Variants in TVP23A observed in about 807,000 individuals in gnomAD.
TVP23A encodes Golgi apparatus membrane protein TVP23 homolog A.
A neutral mutation model predicts 31.7 loss-of-function variants in TVP23A; 21 were observed. That is an observed-to-expected ratio of 0.66 (90% confidence interval 0.47 to 0.95). The LOEUF (loss-of-function observed/expected upper bound fraction) is 0.95, where lower values mean the gene tolerates loss of function less well. Among genes scored for constraint, TVP23A ranks in the 40% least tolerant of loss-of-function variants. The probability of loss-of-function intolerance (pLI) is 0.00; values close to 1 mark genes in which losing one functional copy is unlikely to be tolerated. For missense variants in TVP23A, 279 were observed against 255.6 expected (o/e 1.09, Z -0.62); for synonymous variants, 104 against 96.0 (o/e 1.08, Z -0.49).
Position 10,768,308 on chromosome 16 carries a change from TA to T in TVP23A, c.*793del, listed in dbSNP as rs35848081. 56,192 of 174,586 alleles carry T rather than the reference TA, an allele frequency of 0.32. 8,707 individuals carry two copies. The highest frequency in any genetic ancestry group is 0.48 in the African/African-American group (19,483 of 40,586). The allele number at this position is 174,586 out of a possible 1,614,324, so 10.8% of individuals were successfully genotyped here. A position where few individuals can be genotyped will look rare whatever the true frequency, so the allele number is the denominator to read the frequency against. On this transcript the variant is annotated 3_prime_UTR_variant, in exon 8 of 8. Coordinates refer to ENST00000299866, the MANE Select transcript of TVP23A (RefSeq NM_001079512.4). The surrounding 1 kb of genome is among the most constrained non-coding windows in gnomAD (Gnocchi z 4.3). Reference sequence around the variant, plus strand: ...GTAATTCATTTTTAAAAGTAACTGATAAAAAAAAAAAAGGCCAGGTGCAGTG... The same window carrying T: ...GTAATTCATTTTTAAAAGTAACTGATAAAAAAAAAAAGGCCAGGTGCAGTG...
chr16:10,790,052 G>T (rs1012301850), intron 2 of TVP23A, among the ~76,000 whole-genome samples: 2 of 152,110 alleles, frequency 1.3e-5, no homozygotes, highest in African/African-American at 4.8e-5. Flanking sequence ...AGGTTCTTTT[G>T]AAGTCTTATA....
intron 2 of TVP23A, among the ~76,000 whole-genome samples, chr16:10,780,076 A>C (rs1004385079): frequency 2.0e-5 from 3 of 150,670 alleles, no homozygotes; most frequent in African/African-American, 7.3e-5. Context: ...CGACAGAGTG[A>C]GACTCCATCT....
At chr16:10,778,116 T>C (rs1567284390) in intron 2 of TVP23A, among the ~76,000 whole-genome samples, 1 of 152,024 alleles carries the variant, frequency 6.6e-6, no homozygotes, top group Non-Finnish European at 1.5e-5. Context: ...GGCAGATCAG[T>C]TGAAGTCAGG....
At chr16:10,791,818 T>C (rs917844054) in intron 2 of TVP23A, among the ~76,000 whole-genome samples, 2 of 152,208 alleles carry the variant, frequency 1.3e-5, no homozygotes, top group Admixed American at 1.3e-4. Flanking sequence ...GGTTTCACTG[T>C]GTTAGCCAAG....
chr16:10,787,320 A>G (rs1353585531), intron 2 of TVP23A, among the ~76,000 whole-genome samples: 1 of 152,214 alleles, frequency 6.6e-6, no homozygotes, highest in Non-Finnish European at 1.5e-5. Context: ...CCCAATAAAG[A>G]GCAGCCTGTA....
intron 2 of TVP23A, among the ~76,000 whole-genome samples, chr16:10,784,558 C>G (rs182208935): frequency 6.2e-4 from 88 of 141,174 alleles, no homozygotes; most frequent in Non-Finnish European, 1.1e-3. Flanking sequence ...AAGACCTTGT[C>G]TCAAAAAAAA....
intron 2 of TVP23A, among the ~76,000 whole-genome samples, chr16:10,807,826 CAATGT>C (rs2143000718): frequency 6.6e-6 from 1 of 152,300 alleles, no homozygotes; most frequent in Non-Finnish European, 1.5e-5. Context: ...TATCTGCGCA[CAATGT>C]AATGTAAGAT....
Position 10,768,869 on chromosome 16 carries a change from G to T in TVP23A, c.*233C>A. On this transcript the variant is annotated 3_prime_UTR_variant, in exon 8 of 8. Coordinates refer to ENST00000299866, the MANE Select transcript of TVP23A (RefSeq NM_001079512.4). The surrounding 1 kb of genome is among the most constrained non-coding windows in gnomAD (Gnocchi z 4.3). ...CAGCCACTGGTTATGAGCAAGATGGGTAGTGTGAGGTATTCCGGTCACTTT... is the reference window on the plus strand; with the variant it reads ...CAGCCACTGGTTATGAGCAAGATGGTTAGTGTGAGGTATTCCGGTCACTTT... 1 of 575,802 alleles carries T rather than the reference G, an allele frequency of 1.7e-6. No individual in the cohort carries two copies. The allele number at this position is 575,802 out of a possible 1,614,324, so 35.7% of individuals were successfully genotyped here. A position where few individuals can be genotyped will look rare whatever the true frequency, so the allele number is the denominator to read the frequency against.
At position 10,768,369 on chromosome 16, in the gene TVP23A, G is replaced by A; in HGVS notation, c.*733C>T. ...TGGAATCCCAGCACTTTGGGTGAAGGAGGCAGGCAGATCACTTGAGGCTGG... is the reference window on the plus strand; with the variant it reads ...TGGAATCCCAGCACTTTGGGTGAAGAAGGCAGGCAGATCACTTGAGGCTGG... On this transcript the variant is annotated 3_prime_UTR_variant, in exon 8 of 8. Coordinates refer to ENST00000299866, the MANE Select transcript of TVP23A (RefSeq NM_001079512.4). The surrounding 1 kb of genome is among the most constrained non-coding windows in gnomAD (Gnocchi z 4.3). 1 of 181,412 alleles carries A rather than the reference G, an allele frequency of 5.5e-6. No homozygotes were observed. Among genetic ancestry groups the A allele is most frequent in the South Asian group, 1.2e-4 (1 of 8,358 alleles). 11.2% of individuals were successfully genotyped at this position (181,412 alleles called of 1,614,324 possible).
At chr16:10,787,546 G>GT (rs567944075) in intron 2 of TVP23A, among the ~76,000 whole-genome samples, 124 of 152,284 alleles carry the variant, frequency 8.1e-4, no homozygotes, top group Middle Eastern at 3.4e-3. Flanking sequence ...TAAGATTAGG[G>GT]TTGGGGGGGC....
In TVP23A at chr16:10,773,373, G is replaced by A. The variant is rs375932735; in HGVS notation, c.393C>T (p.Cys131=). 5.0e-6 allele frequency: 8 copies of A among 1,612,206 alleles called. No homozygotes were observed. The highest frequency in any genetic ancestry group is 2.2e-5 in the East Asian group (1 of 44,860). ...AAAAAAACACAATCCATATCATGGG[G>A]CAGATTATGAGGCCCAGCCAGAAGA... ...ARIFWLGLII[C]PMIWIVFFFS... is the part of the protein sequence containing the mutation. Residue 131 remains cysteine, a synonymous_variant, in exon 5 of 8, where the codon TGC becomes TGT. Coordinates refer to ENST00000299866, the MANE Select transcript of TVP23A (RefSeq NM_001079512.4).
At chr16:10,793,302 A>C (rs2033205452) in intron 2 of TVP23A, among the ~76,000 whole-genome samples, 1 of 152,080 alleles carries the variant, frequency 6.6e-6, no homozygotes. Context: ...AAAAATAAAG[A>C]GACATATCGA....
chr16:10,763,871 T>C (rs2030402052), downstream of TVP23A: 4 of 166,144 alleles, frequency 2.4e-5, no homozygotes, highest in South Asian at 4.8e-4. Context: ...TCTCAGCCCC[T>C]GGAAGCATCT....
Position 10,766,964 on chromosome 16 carries a change from T to TC in TVP23A, c.*2137dup. 2 of 398,646 alleles carry TC rather than the reference T, an allele frequency of 5.0e-6. No homozygotes were observed. Among genetic ancestry groups the TC allele is most frequent in the Non-Finnish European group, 8.8e-6 (2 of 226,110 alleles). The allele number at this position is 398,646 out of a possible 1,614,324, so 24.7% of individuals were successfully genotyped here. A position where few individuals can be genotyped will look rare whatever the true frequency, so the allele number is the denominator to read the frequency against. On this transcript the variant is annotated 3_prime_UTR_variant, in exon 8 of 8. Coordinates refer to ENST00000299866, the MANE Select transcript of TVP23A (RefSeq NM_001079512.4). The surrounding 1 kb of genome is among the most constrained non-coding windows in gnomAD (Gnocchi z 4.8). Reference sequence around the variant, plus strand: ...TCCTGACTCACTGGGCCATATGGGCTCCCCATCTCCCACCAACCCCTCCCC... The same window carrying TC: ...TCCTGACTCACTGGGCCATATGGGCTCCCCCATCTCCCACCAACCCCTCCCC...
downstream of TVP23A, chr16:10,764,956 G>T (rs1039676401): frequency 5.6e-6 from 1 of 179,060 alleles, no homozygotes; most frequent in African/African-American, 2.4e-5. Context: ...GAGGAAAGCT[G>T]GGCACAGCCA....
Position 10,774,954 on chromosome 16 carries a change from T to C in TVP23A, c.232A>G (p.Lys78Glu). ...LLLSLDFWSVKNVTGRLLVGL... is the reference protein window; with the variant it reads ...LLLSLDFWSVENVTGRLLVGL... ...GACATCACACGAAAGGGCCTCACCTTCACAGACCAGAAGTCCAGGGACAGG... is the reference window on the plus strand; with the variant it reads ...GACATCACACGAAAGGGCCTCACCTCCACAGACCAGAAGTCCAGGGACAGG... Residue 78 changes from lysine (K) to glutamate (E), a missense_variant and splice_region_variant, in exon 3 of 8, where the codon AAG becomes GAG. By Grantham distance (56) the Lys-to-Glu change is moderately conservative. Transcript: ENST00000299866. The C allele has an allele frequency of 6.2e-7, 1 of 1,612,620 alleles. No homozygotes were observed. The highest frequency in any genetic ancestry group is 8.5e-7 in the Non-Finnish European group (1 of 1,179,252).
At chr16:10,766,449 G>C (rs190204777), downstream of TVP23A, among the ~76,000 whole-genome samples, 850 of 152,270 alleles carry the variant, frequency 5.6e-3, 11 homozygotes, top group Non-Finnish European at 6.0e-3. The surrounding 1 kb of genome is among the most constrained non-coding windows in gnomAD (Gnocchi z 4.8). Flanking sequence ...TGTGTGTTGG[G>C]GGCTGGGGAG....
intron 2 of TVP23A, among the ~76,000 whole-genome samples, chr16:10,797,331 G>C (rs1352004933): frequency 2.6e-5 from 4 of 151,734 alleles, no homozygotes; most frequent in East Asian, 1.9e-4. Flanking sequence ...TCGGTAGTTC[G>C]AGACCAGCCT....
rs777346141 is a variant in TVP23A, at chr16:10,774,022, C to T, written c.324+17G>A. On this transcript the variant is annotated intron_variant, in intron 4 of 7. Transcript: ENST00000299866. ...ATTATCCCCGCTCTGGTTAGTTCAG[C>T]TCGTCATGGAGAATACCTTCCTGGC... The T allele has an allele frequency of 6.3e-7, 1 of 1,599,050 alleles. No homozygotes were observed.
Sources: allele counts gnomAD v4.1 joint callset (sites outside exome capture counted in the v4.1 genomes callset), GRCh38; gene constraint gnomAD v4.1.1; non-coding constraint Gnocchi (gnomAD v3.1); transcripts MANE v1.5; gene names NCBI Gene and HGNC (gene_info 2026-07-23, HGNC 2026-07-21).